Variants in TENM1 observed in about 807,000 individuals in gnomAD.
TENM1 encodes teneurin transmembrane protein 1, also known as teneurin-1.
In TENM1, 35 loss-of-function variants were observed where a neutral mutation model predicts 174.8. The ratio of observed to expected loss-of-function variants is 0.20; its 90% CI spans 0.15 to 0.27. TENM1 has a LOEUF of 0.27. Among genes scored for constraint, TENM1 ranks in the 10% least tolerant of loss-of-function variants. TENM1 has a pLI of 1.00. For missense variants in TENM1, 1,633 were observed against 2,130.1 expected (o/e 0.77, Z 4.59); for synonymous variants, 781 against 798.7 (o/e 0.98, Z 0.37).
chrX:125,133,543 A>G, the TENM1 span, among the ~76,000 whole-genome samples: 1 of 111,732 alleles, frequency 8.9e-6, no homozygotes, highest in Admixed American at 9.5e-5. Context: ...AATGGCATCA[A>G]GAGAAATTAG....
intron 11 of TENM1, among the ~76,000 whole-genome samples, chrX:124,613,725 A>G (rs1280001862): frequency 9.0e-6 from 1 of 111,543 alleles, no homozygotes; most frequent in Non-Finnish European, 1.9e-5. Flanking sequence ...TAAGTTAAAG[A>G]TACTGAAAAC....
At chrX:125,013,729 G>A in the TENM1 span, among the ~76,000 whole-genome samples, 1 of 111,487 alleles carries the variant, frequency 9.0e-6, no homozygotes, top group Non-Finnish European at 1.9e-5. Context: ...AAATCAGGGG[G>A]TAAAGATTTC....
chrX:124,971,714 C>A, the TENM1 span, among the ~76,000 whole-genome samples: 8 of 111,949 alleles, frequency 7.1e-5, no homozygotes, highest in African/African-American at 2.3e-4. Flanking sequence ...CTGCCATTAG[C>A]AATGTGTGGG....
At chrX:125,002,730 G>GA in the TENM1 span, among the ~76,000 whole-genome samples, 2 of 111,553 alleles carry the variant, frequency 1.8e-5, no homozygotes, top group East Asian at 2.8e-4. Flanking sequence ...ATAGATTTAG[G>GA]AAAAAATCAA....
the TENM1 span, among the ~76,000 whole-genome samples, chrX:125,134,228 C>A: frequency 1.8e-5 from 2 of 112,158 alleles, no homozygotes; most frequent in African/African-American, 6.5e-5. Context: ...CAGCCTGCCT[C>A]ACCTGAGGAA....
chrX:124,481,111 C>T (rs2046832894), intron 22 of TENM1, among the ~76,000 whole-genome samples: 1 of 111,311 alleles, frequency 9.0e-6, no homozygotes, highest in Admixed American at 9.5e-5. Context: ...CCACAGAAGG[C>T]AACAGAAAAA....
chrX:124,980,972 C>G, the TENM1 span, among the ~76,000 whole-genome samples: 1 of 111,886 alleles, frequency 8.9e-6, no homozygotes, highest in Non-Finnish European at 1.9e-5. Context: ...TTTGTACTTT[C>G]CTCTCTGTTC....
the TENM1 span, among the ~76,000 whole-genome samples, chrX:125,188,909 G>A: frequency 8.9e-6 from 1 of 112,002 alleles, no homozygotes; most frequent in East Asian, 2.8e-4. Context: ...TCTTTCAAGG[G>A]AAGACATTTC....
In TENM1 at chrX:124,780,471, C is replaced by T. The variant is rs1219272518; in HGVS notation, c.536-43274G>A. ...TTTCAGTTAGGCATCTCTCTTTGAG[C>T]AGAAATTGGGACTTTAGATGGCTTA... On this transcript the variant is annotated intron_variant, in intron 3 of 31. Coordinates refer to ENST00000422452, the Ensembl canonical transcript of TENM1. Among the ~76,000 whole-genome samples the T allele has an allele frequency of 2.7e-5, 3 of 111,403 alleles. No homozygotes were observed. The Admixed American group carries it at 2.9e-4, about 11-fold the overall frequency.
chrX:124,646,635 C>T (rs1602896439), intron 9 of TENM1, 74 bp downstream of exon 12: 1 of 740,807 alleles, frequency 1.3e-6, no homozygotes, highest in East Asian at 3.2e-5. Context: ...CTTACTATGA[C>T]TATTACTACT....
chrX:125,112,706 G>A, the TENM1 span, among the ~76,000 whole-genome samples: 1 of 111,434 alleles, frequency 9.0e-6, no homozygotes, highest in African/African-American at 3.3e-5. Flanking sequence ...CTTCTCTCTT[G>A]ATATTTAATT....
chrX:124,596,103 C>G (rs2049884778), intron 11 of TENM1, among the ~76,000 whole-genome samples: 1 of 112,067 alleles, frequency 8.9e-6, no homozygotes, highest in African/African-American at 3.2e-5. Flanking sequence ...TATTTTTAAG[C>G]AACTGAATTA....
intron 3 of TENM1, among the ~76,000 whole-genome samples, chrX:124,775,553 A>G (rs2054763224): frequency 8.9e-6 from 1 of 111,971 alleles, no homozygotes; most frequent in Non-Finnish European, 1.9e-5. Flanking sequence ...GGAAAAGATT[A>G]TCTTGTCTGA....
intron 9 of TENM1, 24 bp downstream of exon 12, chrX:124,646,685 A>G (rs752867817): frequency 1.9e-6 from 2 of 1,079,102 alleles, no homozygotes; most frequent in South Asian, 1.9e-5. Flanking sequence ...TCCTAAACCA[A>G]TCAGAATAAC....
the TENM1 span, among the ~76,000 whole-genome samples, chrX:125,168,468 A>T: frequency 9.0e-6 from 1 of 111,636 alleles, no homozygotes; most frequent in Non-Finnish European, 1.9e-5. Flanking sequence ...GCCCTTGTGT[A>T]ATACCTTCCC....
rs184370975 is a variant in TENM1 at position 124,781,701 on chromosome X, T to C, written c.536-44504A>G. Among the ~76,000 whole-genome samples, 400 of 111,435 alleles carry C rather than the reference T, an allele frequency of 3.6e-3. 1 individual carries two copies. Among genetic ancestry groups the C allele is most frequent in the Non-Finnish European group, 5.7e-3 (303 of 52,988 alleles). On this transcript the variant is annotated intron_variant, in intron 3 of 31. Coordinates refer to ENST00000422452, the Ensembl canonical transcript of TENM1. Reference sequence around the variant, plus strand: ...GTCTCCAAAATGTATCCCTGTCTTATCCCTGATGCAAGTGGCTCCTTAAGC... The same window carrying C: ...GTCTCCAAAATGTATCCCTGTCTTACCCCTGATGCAAGTGGCTCCTTAAGC...
At chrX:124,676,096 A>C (rs962855076) in intron 5 of TENM1, among the ~76,000 whole-genome samples, 1 of 104,209 alleles carries the variant, frequency 9.6e-6, no homozygotes, top group African/African-American at 3.4e-5. Flanking sequence ...CCAACTTTGC[A>C]AGCTGGTCAC....
At chrX:124,616,098 A>G (rs2050391757) in intron 11 of TENM1, among the ~76,000 whole-genome samples, 1 of 112,950 alleles carries the variant, frequency 8.9e-6, no homozygotes, top group African/African-American at 3.2e-5. Context: ...TGTTGCCTGC[A>G]TGGCGCTACC....
chrX:124,949,316 A>G (rs970464034), intron 1 of TENM1, among the ~76,000 whole-genome samples: 10 of 112,240 alleles, frequency 8.9e-5, no homozygotes, highest in Middle Eastern at 4.6e-3. Flanking sequence ...CTCACTTTAC[A>G]TAAGTGGAAA....
Sources: allele counts gnomAD v4.1 joint callset (sites outside exome capture counted in the v4.1 genomes callset), GRCh38; gene constraint gnomAD v4.1.1; transcripts MANE v1.5; gene names NCBI Gene and HGNC (gene_info 2026-07-23, HGNC 2026-07-21).